Variants in FAM3D observed in about 807,000 individuals in gnomAD.
FAM3D encodes the protein FAM3 metabolism regulating signaling molecule D.
In FAM3D, 26 loss-of-function variants were observed where a neutral mutation model predicts 29.8. That is an observed-to-expected ratio of 0.87 (90% CI 0.64 to 1.21). The LOEUF (loss-of-function observed/expected upper bound fraction) is 1.21. Ranked by LOEUF, FAM3D falls within the 50% of genes most tolerant of loss-of-function variation. The probability of loss-of-function intolerance (pLI) is 0.00; values close to 1 mark genes in which losing one functional copy is unlikely to be tolerated. For missense variants in FAM3D, 253 were observed against 290.9 expected, an observed-to-expected ratio of 0.87 and a Z score of 0.95; for synonymous variants, 115 against 102.3, an observed-to-expected ratio of 1.12 and a Z score of -0.75.
intron 1 of FAM3D, among the ~76,000 whole-genome samples, chr3:58,665,875 T>C (rs375816861): frequency 3.9e-5 from 6 of 152,344 alleles, no homozygotes; most frequent in African/African-American, 1.4e-4. Flanking sequence ...ATGATTATCA[T>C]AGTTGCGTAG....
chr3:58,647,648 C>T (rs1055375523), intron 4 of FAM3D, among the ~76,000 whole-genome samples: 22 of 152,242 alleles, frequency 1.4e-4, no homozygotes, highest in South Asian at 6.2e-4. Context: ...TTCACAGTCA[C>T]GCTGCTGGAT....
At chr3:58,662,567 T>C (rs1028504640) in intron 1 of FAM3D, among the ~76,000 whole-genome samples, 14 of 152,214 alleles carry the variant, frequency 9.2e-5, no homozygotes, top group Non-Finnish European at 1.5e-5. Flanking sequence ...GAAAGAGCTT[T>C]AGAGAGAGTA....
At chr3:58,656,168 C>G (rs1270131604) in intron 1 of FAM3D, among the ~76,000 whole-genome samples, 1 of 152,158 alleles carries the variant, frequency 6.6e-6, no homozygotes, top group Non-Finnish European at 1.5e-5. Flanking sequence ...CCCAATCGAT[C>G]TTTGTTTATT....
chr3:58,643,671 G>A lies in FAM3D; in HGVS notation c.313C>T (p.Leu105=), dbSNP rs765057373. ...NNVGRGLNIA[L]VNGTTGAVLG... is the part of the protein sequence containing the mutation. ...TGGATATGCAACTCACCATTCACCA[G>A]GGCGATGTTTAGGCCTCTGCCCACA... is the stretch of plus-strand genomic sequence containing the variant. The change falls in exon 6 of 10, where the codon CTG becomes TTG. Residue 105 remains leucine, a synonymous_variant. Coordinates refer to ENST00000358781, the MANE Select transcript of FAM3D (RefSeq NM_138805.3). The A allele has an allele frequency of 3.7e-6, 6 of 1,613,688 alleles. No homozygotes were observed. Among genetic ancestry groups the A allele is most frequent in the Non-Finnish European group, 5.1e-6 (6 of 1,180,026 alleles).
intron 6 of FAM3D, among the ~76,000 whole-genome samples, chr3:58,641,500 G>A (rs2066333822): frequency 1.3e-5 from 2 of 151,920 alleles, no homozygotes; most frequent in South Asian, 4.1e-4. Context: ...GACTACAGGT[G>A]TGCGCCACCA....
chr3:58,639,538 C>T (rs1455037159), intron 7 of FAM3D, among the ~76,000 whole-genome samples: 2 of 152,170 alleles, frequency 1.3e-5, no homozygotes, highest in Non-Finnish European at 1.5e-5. Flanking sequence ...TGCCCCTGTC[C>T]TCAGCTCTAT....
At position 58,645,655 on chromosome 3, in the gene FAM3D, G is replaced by C. The variant is rs573206608; in HGVS notation, c.146-29C>G. ...GGGAGGAAAGAGACCAGCCTTGGTG[G>C]GCAGAAGCTCAGGAGGTACTTGGGG... On this transcript the variant is annotated intron_variant, in intron 4 of 9. Coordinates refer to ENST00000358781, the MANE Select transcript of FAM3D (RefSeq NM_138805.3). 37 of 1,593,068 alleles carry C rather than the reference G, an allele frequency of 2.3e-5. No homozygotes were observed. In the East Asian group the frequency reaches 7.2e-4, roughly 31 times the overall value.
At chr3:58,644,760 C>T (rs2066428948) in intron 5 of FAM3D, among the ~76,000 whole-genome samples, 1 of 152,088 alleles carries the variant, frequency 6.6e-6, no homozygotes, top group African/African-American at 2.4e-5. Flanking sequence ...ATGGAGAAAT[C>T]CCTTGCAAGT....
chr3:58,663,248 T>G (rs954785659), intron 1 of FAM3D, among the ~76,000 whole-genome samples: 2 of 152,224 alleles, frequency 1.3e-5, no homozygotes, highest in African/African-American at 2.4e-5. Flanking sequence ...GCTGCCTTTC[T>G]GCTGGAGTGG....
In FAM3D at chr3:58,636,402, C is replaced by T; in HGVS notation, c.477G>A (p.Arg159=). The T allele has an allele frequency of 6.2e-7, 1 of 1,614,200 alleles. No homozygotes were observed. Among genetic ancestry groups the T allele is most frequent in the Non-Finnish European group, 8.5e-7 (1 of 1,180,014 alleles). The change falls in exon 9 of 10, where the codon AGG becomes AGA. Residue 159 remains arginine, a synonymous_variant. Coordinates refer to ENST00000358781, the MANE Select transcript of FAM3D (RefSeq NM_138805.3). ...DPGTKMNDES[R]KLFSDLGSSY... is the part of the protein sequence containing the mutation. Reference sequence around the variant, plus strand: ...AACTCCCCAAGTCAGAGAAGAGTTTCCTGCTTTCATCGTTCATTCTGCAGA... The same window carrying T: ...AACTCCCCAAGTCAGAGAAGAGTTTTCTGCTTTCATCGTTCATTCTGCAGA...
chr3:58,634,523 A>G lies in FAM3D; in HGVS notation c.586-155T>C, dbSNP rs2066106648. On this transcript the variant is annotated intron_variant, in intron 9 of 9. Transcript: ENST00000358781. The surrounding 1 kb of genome is among the most constrained non-coding windows in gnomAD (Gnocchi z 4.6). ...AACTGAGGCTCAGAGAGGGGATGCA[A>G]CTTGCTCAAGATCTCAGAGATGGGA... is the stretch of plus-strand genomic sequence containing the variant. 4.8e-6 allele frequency: 3 copies of G among 628,526 alleles called. No homozygotes were observed. Among genetic ancestry groups the G allele is most frequent in the African/African-American group, 1.9e-5 (1 of 53,278 alleles). 38.9% of individuals were successfully genotyped at this position (628,526 alleles called of 1,614,324 possible).
intron 7 of FAM3D, 93 bp downstream of exon 7, chr3:58,640,034 A>G: frequency 4.4e-6 from 6 of 1,362,020 alleles, no homozygotes; most frequent in Middle Eastern, 4.3e-4. Context: ...AGCACCAGGT[A>G]CCTCGAGCCA....
intron 6 of FAM3D, among the ~76,000 whole-genome samples, chr3:58,640,925 G>A (rs2066310144): frequency 6.6e-6 from 1 of 152,246 alleles, no homozygotes; most frequent in South Asian, 2.1e-4. Flanking sequence ...ATTCTCGGGA[G>A]CCACGTAGCG....
intron 6 of FAM3D, among the ~76,000 whole-genome samples, chr3:58,640,438 C>T (rs1197465333): frequency 3.9e-5 from 6 of 152,162 alleles, no homozygotes; most frequent in Non-Finnish European, 8.8e-5. Context: ...TTCTGTCCTA[C>T]CAGTTTCTAA....
At chr3:58,661,898 G>T (rs1559509907) in intron 1 of FAM3D, among the ~76,000 whole-genome samples, 1 of 152,184 alleles carries the variant, frequency 6.6e-6, no homozygotes, top group African/African-American at 2.4e-5. Context: ...TGAAGAACAG[G>T]GTGTGCTCCA....
intron 4 of FAM3D, among the ~76,000 whole-genome samples, chr3:58,646,830 T>C (rs1209581657): frequency 6.6e-6 from 1 of 152,218 alleles, no homozygotes; most frequent in African/African-American, 2.4e-5. Context: ...CTCCTGTGTC[T>C]GGCACATAGT....
At chr3:58,661,241 G>T (rs998788518) in intron 1 of FAM3D, among the ~76,000 whole-genome samples, 1 of 152,182 alleles carries the variant, frequency 6.6e-6, no homozygotes, top group African/African-American at 2.4e-5. Flanking sequence ...AGCCTCGGGT[G>T]TTCCTTTTGC....
chr3:58,645,272 C>G (rs2106797598), intron 5 of FAM3D, among the ~76,000 whole-genome samples: 1 of 152,160 alleles, frequency 6.6e-6, no homozygotes, highest in African/African-American at 2.4e-5. Flanking sequence ...GGATAATATC[C>G]CCACCTCCCA....
At chr3:58,646,487 G>A (rs1428710414) in intron 4 of FAM3D, among the ~76,000 whole-genome samples, 1 of 152,226 alleles carries the variant, frequency 6.6e-6, no homozygotes, top group Non-Finnish European at 1.5e-5. Context: ...TGCTCTGTGA[G>A]TTCTGGGATG....
Sources: allele counts gnomAD v4.1 joint callset (sites outside exome capture counted in the v4.1 genomes callset), GRCh38; gene constraint gnomAD v4.1.1; non-coding constraint Gnocchi (gnomAD v3.1); transcripts MANE v1.5; gene names NCBI Gene and HGNC (gene_info 2026-07-23, HGNC 2026-07-21).